The following GRM8 variants were observed in gnomAD, a reference collection of about 807,000 sequenced individuals.
GRM8 encodes glutamate metabotropic receptor 8, also known as metabotropic glutamate receptor 8.
Under a neutral mutation model 87.2 loss-of-function variants are expected in GRM8, and 47 were observed. The ratio of observed to expected loss-of-function variants is 0.54; its 90% CI spans 0.43 to 0.69. GRM8 has a LOEUF of 0.69. Among genes scored for constraint, GRM8 ranks in the 30% least tolerant of loss-of-function variants. The pLI is 0.00. For synonymous variants in GRM8, 396 were observed against 404.5 expected, an observed-to-expected ratio of 0.98 and a Z score of 0.25; for missense variants, 1,019 against 1,139.2, an observed-to-expected ratio of 0.89 and a Z score of 1.52.
At chr7:126,826,738 A>G (rs1374277943) in intron 6 of GRM8, among the ~76,000 whole-genome samples, 6 of 152,140 alleles carry the variant, frequency 3.9e-5, no homozygotes, top group African/African-American at 1.4e-4. Flanking sequence ...TCATTTGTCA[A>G]TTTTGGCTTT....
At chr7:126,866,471 T>C (rs1467226456) in intron 6 of GRM8, among the ~76,000 whole-genome samples, 1 of 152,050 alleles carries the variant, frequency 6.6e-6, no homozygotes, top group Non-Finnish European at 1.5e-5. Context: ...TTTGGTGGCA[T>C]GTCTAAGAAA....
intron 3 of GRM8, among the ~76,000 whole-genome samples, chr7:127,085,510 C>A (rs983730686): frequency 1.3e-5 from 2 of 152,118 alleles, no homozygotes; most frequent in African/African-American, 2.4e-5. Flanking sequence ...TTCTAACTGG[C>A]GTGAGATGGT....
chr7:126,517,287 G>T (rs1812320542), intron 9 of GRM8, among the ~76,000 whole-genome samples: 1 of 152,030 alleles, frequency 6.6e-6, no homozygotes, highest in Non-Finnish European at 1.5e-5. Context: ...AAGGGATTTA[G>T]GTTGGTCAGT....
intron 2 of GRM8, among the ~76,000 whole-genome samples, chr7:127,214,616 A>T (rs963807726): frequency 8.5e-5 from 13 of 152,264 alleles, no homozygotes; most frequent in African/African-American, 2.9e-4. Context: ...CAGGAGAAGG[A>T]GCGTGTTGAA....
intron 3 of GRM8, among the ~76,000 whole-genome samples, chr7:126,906,953 T>G (rs1278433394): frequency 6.6e-6 from 1 of 152,154 alleles, no homozygotes; most frequent in Non-Finnish European, 1.5e-5. Context: ...CTAGATACTG[T>G]GTGGGTGCTG....
At chr7:126,864,307 C>T (rs1798410895) in intron 6 of GRM8, among the ~76,000 whole-genome samples, 1 of 151,984 alleles carries the variant, frequency 6.6e-6, no homozygotes, top group Non-Finnish European at 1.5e-5. Context: ...ACCTACTTGG[C>T]TATTGCCTCT....
chr7:126,700,086 T>C (rs1030287593), intron 7 of GRM8, among the ~76,000 whole-genome samples: 4 of 152,186 alleles, frequency 2.6e-5, no homozygotes, highest in African/African-American at 4.8e-5. Context: ...TTCATAGGGT[T>C]ATTTTAATCA....
intron 2 of GRM8, among the ~76,000 whole-genome samples, chr7:127,167,713 C>CA (rs1347607854): frequency 6.6e-6 from 1 of 152,114 alleles, no homozygotes; most frequent in Non-Finnish European, 1.5e-5. Flanking sequence ...TGTGTGTCAT[C>CA]ACTGCTCCAC....
At chr7:127,073,714 G>A (rs1446720812) in intron 3 of GRM8, among the ~76,000 whole-genome samples, 3 of 152,258 alleles carry the variant, frequency 2.0e-5, no homozygotes, top group African/African-American at 7.2e-5. Context: ...AGGTTCTCAC[G>A]AATCATGAGG....
intron 3 of GRM8, among the ~76,000 whole-genome samples, chr7:126,967,863 A>G (rs1444213602): frequency 6.6e-6 from 1 of 152,218 alleles, no homozygotes; most frequent in Non-Finnish European, 1.5e-5. Context: ...ACAACTGGTT[A>G]AGTTTAAACC....
At chr7:126,935,851 C>T (rs1806257461) in intron 3 of GRM8, among the ~76,000 whole-genome samples, 1 of 152,230 alleles carries the variant, frequency 6.6e-6, no homozygotes, top group Non-Finnish European at 1.5e-5. Context: ...TTTCCTCCTC[C>T]TCTCATCCTA....
At chr7:127,138,010 C>T (rs572509352) in intron 2 of GRM8, among the ~76,000 whole-genome samples, 7 of 152,242 alleles carry the variant, frequency 4.6e-5, no homozygotes, top group African/African-American at 1.4e-4. Flanking sequence ...AGCCTGTTTG[C>T]CACAAATCAG....
At chr7:126,712,272 T>G (rs1811184716) in intron 7 of GRM8, among the ~76,000 whole-genome samples, 1 of 152,088 alleles carries the variant, frequency 6.6e-6, no homozygotes, top group African/African-American at 2.4e-5. Flanking sequence ...GGTGGAGAAG[T>G]CAGAACACAC....
At chr7:127,041,978 A>T (rs1818468434) in intron 3 of GRM8, among the ~76,000 whole-genome samples, 1 of 152,228 alleles carries the variant, frequency 6.6e-6, no homozygotes, top group East Asian at 1.9e-4. Context: ...GTCTTGGCTG[A>T]TGTTTCTTTC....
At chr7:127,179,416 C>G (rs1304106133) in intron 2 of GRM8, among the ~76,000 whole-genome samples, 1 of 152,060 alleles carries the variant, frequency 6.6e-6, no homozygotes, top group Admixed American at 6.5e-5. Context: ...CTTCAATACT[C>G]CACTGACAGC....
chr7:127,129,958 G>A (rs1041576323), intron 2 of GRM8, among the ~76,000 whole-genome samples: 1 of 152,182 alleles, frequency 6.6e-6, no homozygotes, highest in African/African-American at 2.4e-5. Flanking sequence ...TAATTCCCAT[G>A]TGTGAGGGAG....
At chr7:126,554,170 A>C (rs1174375996) in intron 8 of GRM8, among the ~76,000 whole-genome samples, 2 of 152,166 alleles carry the variant, frequency 1.3e-5, no homozygotes, top group African/African-American at 4.8e-5. Flanking sequence ...AAAATGGCAC[A>C]TCTTTAATTA....
rs554185523 is a variant in GRM8, at chr7:126,985,456, C to A, written c.728-80773G>T. Among the ~76,000 whole-genome samples, 25 of 152,298 alleles carry A rather than the reference C, an allele frequency of 1.6e-4. No individual in the cohort carries two copies. The East Asian group carries it at 4.4e-3, about 27-fold the overall frequency. On this transcript the variant is annotated intron_variant, in intron 3 of 10. Transcript: ENST00000339582. ...TTATGTATTTTAAAGATCTGAGAAGCAAAATTACAATTTGAGTTTATTAGT... is the reference window on the plus strand; with the variant it reads ...TTATGTATTTTAAAGATCTGAGAAGAAAAATTACAATTTGAGTTTATTAGT...
intron 9 of GRM8, among the ~76,000 whole-genome samples, chr7:126,450,709 C>A (rs1802528138): frequency 6.6e-6 from 1 of 151,672 alleles, no homozygotes; most frequent in Non-Finnish European, 1.5e-5. Flanking sequence ...ATCTATCATG[C>A]AAAAGTCCAA....
Sources: allele counts gnomAD v4.1 joint callset (sites outside exome capture counted in the v4.1 genomes callset), GRCh38; gene constraint gnomAD v4.1.1; transcripts MANE v1.5; gene names NCBI Gene and HGNC (gene_info 2026-07-23, HGNC 2026-07-21).